The following RGS20 variants were observed in gnomAD, a reference collection of about 807,000 sequenced individuals.
RGS20 encodes the protein regulator of G protein signaling 20.
RGS20 carries 30 observed loss-of-function variants against 33.6 expected under a neutral mutation model. That is an observed-to-expected ratio of 0.89 (90% CI 0.67 to 1.21). The LOEUF (loss-of-function observed/expected upper bound fraction) is 1.21. Among genes scored for constraint, RGS20 ranks in the 50% most tolerant of loss-of-function variants. The pLI is 0.00. For synonymous variants in RGS20, 208 were observed against 197.9 expected (o/e 1.05, Z -0.43); for missense variants, 472 against 502.4 (o/e 0.94, Z 0.58).
At chr8:53,879,716 G>C in intron 2 of RGS20, 4 of 961,080 alleles carry the variant, frequency 4.2e-6, no homozygotes, top group Non-Finnish European at 5.8e-6. Flanking sequence ...AGTAGGGAGG[G>C]TGGCAAGGTC....
At position 53,880,884 on chromosome 8, in the gene RGS20, G is replaced by T. The variant is rs1456470882; in HGVS notation, c.510+1282G>T. ...GCGGGGAGGAGGCAGAGCAAGGGGA[G>T]GAAGAGGCCGGGAGAAGAGGGCTAG... On this transcript the variant is annotated intron_variant, in intron 2 of 5. In the 5' UTR this introduces an upstream ATG that the reference lacks. Coordinates refer to ENST00000297313, the MANE Select transcript of RGS20 (RefSeq NM_170587.4). 4 of 1,481,110 alleles carry T rather than the reference G, an allele frequency of 2.7e-6. No homozygotes were observed. Among genetic ancestry groups the T allele is most frequent in the African/African-American group, 1.4e-5 (1 of 70,232 alleles). The allele number at this position is 1,481,110 out of a possible 1,614,324, so 91.7% of individuals were successfully genotyped here. A position where few individuals can be genotyped will look rare whatever the true frequency, so the allele number is the denominator to read the frequency against.
intron 1 of RGS20, chr8:53,879,147 C>A: frequency 1.2e-6 from 1 of 839,024 alleles, no homozygotes; most frequent in Non-Finnish European, 1.9e-6. Flanking sequence ...CACCGACCTT[C>A]TCTTGCACCC....
Position 53,954,116 on chromosome 8 carries a change from T to G in RGS20, c.784T>G (p.Ser262Ala), listed in dbSNP as rs772987393. 35 of 1,613,992 alleles carry G rather than the reference T, an allele frequency of 2.2e-5. No homozygotes were observed. In the South Asian group the frequency reaches 3.7e-4, roughly 17 times the overall value. The stretch of plus-strand genomic sequence containing the variant: ...GGAAGAAGTCAACGCCTGGGCTCAG[T>G]CATTTGACAAATTAATGGTCACTCC... The change falls in exon 5 of 6, where the codon TCA becomes GCA. Residue 262 changes from serine to alanine, a missense_variant. Ser to Ala is a moderately conservative substitution (Grantham distance 99). This residue lies in a region of RGS20 where 125 missense variants were observed against 169.5 expected (regional missense o/e 0.74). Coordinates refer to ENST00000297313, the MANE Select transcript of RGS20 (RefSeq NM_170587.4).
intron 2 of RGS20, among the ~76,000 whole-genome samples, chr8:53,886,087 A>G (rs1812535446): frequency 6.6e-6 from 1 of 152,176 alleles, no homozygotes; most frequent in African/African-American, 2.4e-5. Context: ...TTCTATTCAA[A>G]CAAGTACAGT....
At chr8:53,891,024 C>G (rs1394375591) in intron 2 of RGS20, among the ~76,000 whole-genome samples, 1 of 152,182 alleles carries the variant, frequency 6.6e-6, no homozygotes, top group Admixed American at 6.5e-5. Flanking sequence ...CCACCTTCCC[C>G]ATATGGCCGC....
At chr8:53,918,398 C>CTTTTTTT (rs370307599) in intron 2 of RGS20, among the ~76,000 whole-genome samples, 6,625 of 149,276 alleles carry the variant, frequency 0.044, 445 homozygotes, top group African/African-American at 0.14. Context: ...TTCTTTCTTC[C>CTTTTTTT]TTTTTTTGAG....
chr8:53,952,872 G>C (rs1814750278), intron 4 of RGS20, among the ~76,000 whole-genome samples: 1 of 152,152 alleles, frequency 6.6e-6, no homozygotes, highest in African/African-American at 2.4e-5. Flanking sequence ...TATGACAGAA[G>C]TAAGAATTAA....
Position 53,877,109 on chromosome 8 carries a change from CG to C in RGS20, c.166-2146del, listed in dbSNP as rs35765415. Reference sequence around the variant, plus strand: ...CCCACGAAAGGCTTTGGAGCTCGCTCGGGCTCCTCGAAGTTGGGCGTGCGTC... The same window carrying C: ...CCCACGAAAGGCTTTGGAGCTCGCTCGGCTCCTCGAAGTTGGGCGTGCGTC... On this transcript the variant is annotated intron_variant, in intron 1 of 5. Transcript: ENST00000297313. The surrounding 1 kb of genome is among the most constrained non-coding windows in gnomAD (Gnocchi z 5.7). 4.6e-5 allele frequency among the ~76,000 whole-genome samples: 7 copies of C among 152,194 alleles called. No homozygotes were observed. The highest frequency in any genetic ancestry group is 3.9e-4 in the Admixed American group (6 of 15,274).
At chr8:53,913,210 C>T (rs1227617148) in intron 2 of RGS20, among the ~76,000 whole-genome samples, 1 of 152,174 alleles carries the variant, frequency 6.6e-6, no homozygotes, top group African/African-American at 2.4e-5. Context: ...AGGTGATCCA[C>T]CCGCCTCAGG....
chr8:53,918,646 C>T (rs900339947), intron 2 of RGS20, among the ~76,000 whole-genome samples: 17 of 152,152 alleles, frequency 1.1e-4, no homozygotes, highest in African/African-American at 3.9e-4. Context: ...CCTCAGCTTC[C>T]CAAAGTGCTA....
At chr8:53,857,257 G>A (rs1167537134) in intron 1 of RGS20, among the ~76,000 whole-genome samples, 2 of 152,214 alleles carry the variant, frequency 1.3e-5, no homozygotes, top group Admixed American at 1.3e-4. Context: ...ATGTTCAGTG[G>A]CTGTCTCCTC....
intron 2 of RGS20, among the ~76,000 whole-genome samples, chr8:53,926,858 A>G (rs556170317): frequency 2.0e-5 from 3 of 152,150 alleles, no homozygotes; most frequent in Admixed American, 2.0e-4. Context: ...GGTTACAGTG[A>G]GCCGAGATCA....
In RGS20 at chr8:53,926,873, A is replaced by G. The variant is rs190388188; in HGVS notation, c.511-12703A>G. 3.2e-3 allele frequency among the ~76,000 whole-genome samples: 492 copies of G among 152,270 alleles called. 7 individuals carry two copies. Among genetic ancestry groups the G allele is most frequent in the Middle Eastern group, 3.4e-3 (1 of 294 alleles). On this transcript the variant is annotated intron_variant, in intron 2 of 5. Coordinates refer to ENST00000297313, the MANE Select transcript of RGS20 (RefSeq NM_170587.4). ...GGTTACAGTGAGCCGAGATCACACC[A>G]CTGCACTCCAGCCTGGGTGACAGAG...
intron 2 of RGS20, among the ~76,000 whole-genome samples, chr8:53,902,789 G>A (rs951945362): frequency 5.3e-5 from 8 of 151,832 alleles, no homozygotes; most frequent in African/African-American, 1.7e-4. Flanking sequence ...GCAGTGGCAC[G>A]ATCTCGGCTC....
At chr8:53,928,850 G>A (rs985362712) in intron 2 of RGS20, among the ~76,000 whole-genome samples, 7 of 151,812 alleles carry the variant, frequency 4.6e-5, no homozygotes, top group African/African-American at 1.2e-4. Flanking sequence ...TTTCATGTTC[G>A]AAAGAAGACA....
At chr8:53,957,508 A>G (rs1414608017) in intron 5 of RGS20, among the ~76,000 whole-genome samples, 1 of 152,218 alleles carries the variant, frequency 6.6e-6, no homozygotes, top group Non-Finnish European at 1.5e-5. Context: ...CGGGCAGGCC[A>G]GCACTCATCC....
At chr8:53,931,845 G>T (rs1813974938) in intron 2 of RGS20, among the ~76,000 whole-genome samples, 1 of 152,090 alleles carries the variant, frequency 6.6e-6, no homozygotes, top group Admixed American at 6.6e-5. Context: ...GAGAAACTGT[G>T]CCATAAGGGA....
At chr8:53,881,143 G>A (rs920449805) in intron 2 of RGS20, 59 bp downstream of exon 1, 4 of 1,295,792 alleles carry the variant, frequency 3.1e-6, no homozygotes, top group Non-Finnish European at 4.1e-6. Flanking sequence ...CTGAGGCTTC[G>A]TGCTGGAAAG....
At chr8:53,926,691 C>T (rs1327765022) in intron 2 of RGS20, among the ~76,000 whole-genome samples, 1 of 152,128 alleles carries the variant, frequency 6.6e-6, no homozygotes, top group African/African-American at 2.4e-5. Context: ...ACAGGCGGAT[C>T]ACTTGAGGTC....
Sources: gnomAD v4.1 joint callset for allele counts (sites outside exome capture counted in the v4.1 genomes callset) on GRCh38, gnomAD v4.1.1 for gene constraint, gnomAD v4.1.1 regional missense constraint, Gnocchi (gnomAD v3.1) non-coding constraint, MANE v1.5 for transcripts, NCBI Gene and HGNC (gene_info 2026-07-23, HGNC 2026-07-21) for gene names.